The following CACNA1S variants were observed in gnomAD, a reference collection of about 807,000 sequenced individuals.
CACNA1S encodes voltage-dependent L-type calcium channel subunit alpha-1S.
Under a neutral mutation model 207.4 loss-of-function variants are expected in CACNA1S, and 126 were observed. The observed-to-expected ratio is 0.61, with a 90% CI of 0.53 to 0.70. The LOEUF (loss-of-function observed/expected upper bound fraction) is 0.70. Among genes scored for constraint, CACNA1S ranks in the 30% least tolerant of loss-of-function variants. The pLI, the probability that CACNA1S is intolerant of heterozygous loss-of-function variation, is 0.00. For synonymous variants in CACNA1S, 960 were observed against 932.7 expected (o/e 1.03, Z -0.53); for missense variants, 2,349 against 2,422.8 (o/e 0.97, Z 0.64).
chr1:201,039,777 C>T lies in CACNA1S; in HGVS notation c.*54G>A, dbSNP rs1304190984. On this transcript the variant is annotated 3_prime_UTR_variant, in exon 44 of 44. Transcript: ENST00000362061. ...TAGCCCTTCTCCACCCCAGCAACTT[C>T]CCCACCCCCATTGGTCATGCCAGCT... 3.8e-6 allele frequency: 6 copies of T among 1,599,030 alleles called. No individual in the cohort carries two copies. Among genetic ancestry groups the T allele is most frequent in the African/African-American group, 2.7e-5 (2 of 74,942 alleles).
At chr1:201,059,146 C>T in intron 27 of CACNA1S, 43 bp downstream of exon 27, 2 of 1,316,760 alleles carry the variant, frequency 1.5e-6, no homozygotes, top group Non-Finnish European at 2.2e-6. Context: ...GTCCCACCCA[C>T]CAGCCCCAGC....
At chr1:201,103,138 C>T (rs112721192) in intron 2 of CACNA1S, among the ~76,000 whole-genome samples, 3,928 of 150,626 alleles carry the variant, frequency 0.026, 86 homozygotes, top group Middle Eastern at 0.048. Context: ...TCCAGCTATG[C>T]GGGAGGCTGA....
chr1:201,089,407 C>T lies in CACNA1S; in HGVS notation c.751G>A (p.Gly251Arg), dbSNP rs755218587. 2.5e-6 allele frequency: 4 copies of T among 1,614,156 alleles called. No individual in the cohort carries two copies. Among genetic ancestry groups the T allele is most frequent in the Non-Finnish European group, 3.4e-6 (4 of 1,180,036 alleles). ...EPSPCARTGSGRRCTINGSEC... is the reference protein window; with the variant it reads ...EPSPCARTGSRRRCTINGSEC... ...CTGCCATTGATGGTGCACCGGCGCC[C>T]TGAGCCCGTCCTGGCGCAGGGCGAT... Residue 251 changes from glycine to arginine, a missense_variant, in exon 6 of 44, where the codon GGG becomes AGG. Gly to Arg is a moderately radical substitution (Grantham distance 125). Transcript: ENST00000362061.
At chr1:201,060,105 G>A (rs1020055060) in intron 26 of CACNA1S, among the ~76,000 whole-genome samples, 2 of 152,206 alleles carry the variant, frequency 1.3e-5, no homozygotes, top group African/African-American at 2.4e-5. Flanking sequence ...ACCTAGCAGT[G>A]TGTGTTCTTA....
At chr1:201,105,752 T>C (rs541623795) in intron 2 of CACNA1S, among the ~76,000 whole-genome samples, 4 of 152,166 alleles carry the variant, frequency 2.6e-5, no homozygotes, top group Non-Finnish European at 5.9e-5. Context: ...GGTGTACCTC[T>C]AGCCCCAGGA....
intron 16 of CACNA1S, among the ~76,000 whole-genome samples, chr1:201,071,699 C>T (rs561384349): frequency 1.3e-5 from 2 of 152,302 alleles, no homozygotes; most frequent in Admixed American, 6.5e-5. Flanking sequence ...GCCACCATCT[C>T]ACCTGCACAC....
Position 201,048,622 on chromosome 1 carries a change from G to C in CACNA1S, c.4401C>G (p.Leu1467=). 1.2e-6 allele frequency: 2 copies of C among 1,614,040 alleles called. No individual in the cohort carries two copies. The highest frequency in any genetic ancestry group is 1.7e-6 in the Non-Finnish European group (2 of 1,180,034). The stretch of plus-strand genomic sequence containing the variant: ...TGAGTGCCGTGCGGACCAGGGCAAA[G>C]AGTGTGGCATTGAAGGTGACTGTGC... The part of the protein sequence containing the change: ...SDGTVTFNAT[L]FALVRTALKI... Residue 1467 remains leucine (L), a synonymous_variant, in exon 36 of 44, where the codon CTC becomes CTG. Transcript: ENST00000362061.
intron 10 of CACNA1S, among the ~76,000 whole-genome samples, chr1:201,081,990 CA>C (rs1442370641): frequency 2.0e-5 from 3 of 151,180 alleles, no homozygotes; most frequent in Admixed American, 6.6e-5. Flanking sequence ...GTGAGCCAAC[CA>C]AACCTCTTTT....
At chr1:201,108,321 T>C (rs1011850082) in intron 2 of CACNA1S, among the ~76,000 whole-genome samples, 1 of 152,050 alleles carries the variant, frequency 6.6e-6, no homozygotes, top group African/African-American at 2.4e-5. Context: ...CAGGCTGGTC[T>C]TGAACTATTG....
chr1:201,051,356 C>T (rs1253413083), intron 32 of CACNA1S, among the ~76,000 whole-genome samples: 1 of 152,160 alleles, frequency 6.6e-6, no homozygotes, highest in African/African-American at 2.4e-5. Context: ...GTGTTACAAG[C>T]AGGAGCTAAA....
intron 2 of CACNA1S, among the ~76,000 whole-genome samples, chr1:201,099,130 C>T (rs927978756): frequency 1.3e-5 from 2 of 152,216 alleles, no homozygotes; most frequent in East Asian, 1.9e-4. Flanking sequence ...TCCCCTGGCC[C>T]GCATGGGGCT....
intron 2 of CACNA1S, among the ~76,000 whole-genome samples, chr1:201,102,523 TC>T (rs1662715358): frequency 6.6e-6 from 1 of 151,994 alleles, no homozygotes; most frequent in Non-Finnish European, 1.5e-5. Context: ...CACCAACTCC[TC>T]CGTGTTGCCC....
At chr1:201,041,014 G>A (rs1470574432) in intron 41 of CACNA1S, among the ~76,000 whole-genome samples, 1 of 152,204 alleles carries the variant, frequency 6.6e-6, no homozygotes, top group Non-Finnish European at 1.5e-5. Context: ...ACATTAAAGT[G>A]AAAGTGTGTT....
chr1:201,073,674 C>T lies in CACNA1S; in HGVS notation c.2064-32G>A, dbSNP rs559409251. ...TAGAAAACCCAAAGTGGAAGCCAAA[C>T]CAGAAAGTTCTCAGGGATCTGCTGA... On this transcript the variant is annotated intron_variant, in intron 14 of 43. Transcript: ENST00000362061. The T allele has an allele frequency of 3.6e-5, 55 of 1,545,576 alleles. 1 individual carries two copies. In the South Asian group the frequency reaches 5.6e-4, roughly 16 times the overall value.
intron 31 of CACNA1S, 36 bp from the exon 32 acceptor site, chr1:201,052,684 G>C: frequency 2.0e-6 from 3 of 1,521,330 alleles, no homozygotes; most frequent in Non-Finnish European, 2.7e-6. Flanking sequence ...GTGGAACCTA[G>C]ATTAAAGTGT....
intron 38 of CACNA1S, among the ~76,000 whole-genome samples, chr1:201,046,507 C>A (rs1660473810): frequency 6.6e-6 from 1 of 151,210 alleles, no homozygotes; most frequent in Non-Finnish European, 1.5e-5. Context: ...ATTTTAAGAG[C>A]CCTTCATGGA....
Position 201,044,425 on chromosome 1 carries a change from G to A in CACNA1S, c.4700C>T (p.Ala1567Val). Residue 1567 changes from alanine (A) to valine (V), a missense_variant, in exon 39 of 44, where the codon GCC becomes GTC. Transcript: ENST00000362061. ...AGLRTIEEEA[A>V]PEICRTVSGD... ...TGAGACCGTGCGACAGATCTCGGGG[G>A]CTGCCTCTTCCTCAATGGTCCGCAG... 6.2e-7 allele frequency: 1 copy of A among 1,613,362 alleles called. No homozygotes were observed. Among genetic ancestry groups the A allele is most frequent in the Non-Finnish European group, 8.5e-7 (1 of 1,179,908 alleles).
rs1482438998 is a variant in CACNA1S, at chr1:201,058,451, A to G, written c.3566T>C (p.Ile1189Thr). Residue 1189 changes from isoleucine to threonine, a missense_variant, in exon 28 of 44, where the codon ATT becomes ACT. By Grantham distance (89) the Ile-to-Thr change is moderately conservative (BLOSUM62 -1). Transcript: ENST00000362061. ...GACATCAATGATGCTGCCAATGACAATCAGGAAGTCAAACACATTCCAGGG... is the reference window on the plus strand; with the variant it reads ...GACATCAATGATGCTGCCAATGACAGTCAGGAAGTCAAACACATTCCAGGG... ...GDPWNVFDFL[I>T]VIGSIIDVIL... The G allele has an allele frequency of 6.2e-6, 10 of 1,614,108 alleles. No homozygotes were observed. Among genetic ancestry groups the G allele is most frequent in the African/African-American group, 1.3e-5 (1 of 74,944 alleles).
At chr1:201,085,790 A>T (rs2102155330) in intron 7 of CACNA1S, among the ~76,000 whole-genome samples, 1 of 152,032 alleles carries the variant, frequency 6.6e-6, no homozygotes, top group Non-Finnish European at 1.5e-5. Flanking sequence ...CCCTCCAGGA[A>T]CATCCTGGAG....
Sources: allele counts gnomAD v4.1 joint callset (sites outside exome capture counted in the v4.1 genomes callset), GRCh38; gene constraint gnomAD v4.1.1; transcripts MANE v1.5; gene names NCBI Gene and HGNC (gene_info 2026-07-23, HGNC 2026-07-21).